HGSNAT: variants seen among roughly 807,000 people sequenced by gnomAD.
The protein encoded by HGSNAT is heparan-alpha-glucosaminide N-acetyltransferase.
In HGSNAT, 59 loss-of-function variants were observed where a neutral mutation model predicts 85.2. The observed-to-expected ratio is 0.69, with a 90% confidence interval of 0.56 to 0.86. HGSNAT has a LOEUF of 0.86. HGSNAT is among the 40% of genes least tolerant of loss of function. The probability of loss-of-function intolerance (pLI) is 0.00; values close to 1 mark genes in which losing one functional copy is unlikely to be tolerated. For synonymous variants in HGSNAT, 321 were observed against 304.5 expected (o/e 1.05, Z -0.56); for missense variants, 756 against 777.1 (o/e 0.97, Z 0.32).
intron 17 of HGSNAT, among the ~76,000 whole-genome samples, chr8:43,198,280 C>CTTTTTTTTT (rs59416007): frequency 1.1e-5 from 1 of 90,330 alleles, no homozygotes. Context: ...GTTTCTGGTT[C>CTTTTTTTTT]TTTTTTTTTT....
At chr8:43,197,607 T>C in intron 15 of HGSNAT, 65 bp from the exon 16 acceptor site, 1 of 1,222,120 alleles carries the variant, frequency 8.2e-7, no homozygotes, top group Non-Finnish European at 1.2e-6. Context: ...TATATTGGTG[T>C]TGAAACCAAG....
chr8:43,140,695 C>T (rs1802491288), intron 1 of HGSNAT, 81 bp downstream of exon 1: 2 of 659,030 alleles, frequency 3.0e-6, no homozygotes, highest in South Asian at 1.0e-4. Flanking sequence ...TATCTCCGTG[C>T]GCGGCGCCGA....
chr8:43,185,007 A>G (rs1378474676), intron 11 of HGSNAT, among the ~76,000 whole-genome samples: 1 of 152,030 alleles, frequency 6.6e-6, no homozygotes, highest in Non-Finnish European at 1.5e-5. Flanking sequence ...TCTCTGTTTT[A>G]CTACCAGTAC....
intron 5 of HGSNAT, among the ~76,000 whole-genome samples, chr8:43,167,750 G>GA (rs1432318240): frequency 6.6e-6 from 1 of 151,952 alleles, no homozygotes; most frequent in East Asian, 1.9e-4. Context: ...AATAAAAGGG[G>GA]AAAAAATCCT....
At chr8:43,199,341 G>T in intron 17 of HGSNAT, 47 bp from the exon 18 acceptor site, 2 of 1,321,810 alleles carry the variant, frequency 1.5e-6, no homozygotes, top group South Asian at 2.6e-5. Context: ...GGTTAGATGT[G>T]ACTCATCTGT....
intron 10 of HGSNAT, among the ~76,000 whole-genome samples, chr8:43,180,915 A>C (rs1159626957): frequency 2.0e-5 from 2 of 98,658 alleles, no homozygotes; most frequent in East Asian, 3.2e-4. Flanking sequence ...ACACAGCGAA[A>C]CCCCGTCTCC....
intron 1 of HGSNAT, among the ~76,000 whole-genome samples, 189 bp from the exon 2 acceptor site, chr8:43,146,759 A>ACATG (rs975600680): frequency 2.6e-5 from 4 of 152,062 alleles, no homozygotes; most frequent in African/African-American, 7.3e-5. Flanking sequence ...GTGTGTGTGC[A>ACATG]CATGCATGCA....
At chr8:43,157,423 A>G (rs183568412) in intron 2 of HGSNAT, among the ~76,000 whole-genome samples, 2 of 152,236 alleles carry the variant, frequency 1.3e-5, no homozygotes, top group East Asian at 1.9e-4. Context: ...TAAAATGACT[A>G]TTTTTTTAAT....
intron 2 of HGSNAT, among the ~76,000 whole-genome samples, chr8:43,155,982 A>G (rs549237954): frequency 1.8e-4 from 27 of 152,192 alleles, no homozygotes; most frequent in African/African-American, 6.0e-4. Flanking sequence ...CTGGGATTAT[A>G]GACACCCACT....
At chr8:43,185,090 T>G (rs1167159768) in intron 11 of HGSNAT, among the ~76,000 whole-genome samples, 2 of 152,240 alleles carry the variant, frequency 1.3e-5, no homozygotes, top group Non-Finnish European at 1.5e-5. Flanking sequence ...AGCTTTGTTC[T>G]TGTGGCTTAG....
chr8:43,164,206 G>A (rs1281143311), intron 5 of HGSNAT, among the ~76,000 whole-genome samples: 2 of 152,214 alleles, frequency 1.3e-5, no homozygotes, highest in Non-Finnish European at 2.9e-5. Flanking sequence ...CAGTGGGTGA[G>A]AGGACATATG....
chr8:43,182,117 C>A, intron 10 of HGSNAT, 28 bp from the exon 11 acceptor site: 1 of 1,559,516 alleles, frequency 6.4e-7, no homozygotes, highest in Non-Finnish European at 8.8e-7. Flanking sequence ...TCCTGGCTAA[C>A]ACTTGACCTA....
chr8:43,155,112 G>A (rs1204163960), intron 2 of HGSNAT, among the ~76,000 whole-genome samples: 1 of 152,048 alleles, frequency 6.6e-6, no homozygotes, highest in Non-Finnish European at 1.5e-5. Context: ...TGGGATTGTT[G>A]GATCATGTGG....
At chr8:43,197,405 C>G (rs1046408211) in intron 15 of HGSNAT, 7 of 546,372 alleles carry the variant, frequency 1.3e-5, no homozygotes, top group Non-Finnish European at 2.3e-5. Flanking sequence ...TCATCCTGAC[C>G]GCAGCCATGC....
chr8:43,191,325 T>G (rs1685457830), intron 11 of HGSNAT, 149 bp from the exon 12 acceptor site: 2 of 844,774 alleles, frequency 2.4e-6, no homozygotes, highest in Admixed American at 4.5e-5. Context: ...AGAGGGAACA[T>G]CTGGAGAACC....
chr8:43,182,433 T>A, intron 11 of HGSNAT, 173 bp downstream of exon 11: 1 of 666,154 alleles, frequency 1.5e-6, no homozygotes, highest in African/African-American at 1.9e-5. Context: ...CCACCATGCC[T>A]GGCCAGAAAC....
chr8:43,186,361 C>T (rs1804310109), intron 11 of HGSNAT, among the ~76,000 whole-genome samples: 1 of 152,086 alleles, frequency 6.6e-6, no homozygotes, highest in Admixed American at 6.6e-5. Flanking sequence ...CTGGTTTAGT[C>T]TTGGGAGGGT....
chr8:43,152,330 T>A (rs1285386569), intron 2 of HGSNAT, among the ~76,000 whole-genome samples: 1 of 152,038 alleles, frequency 6.6e-6, no homozygotes, highest in Non-Finnish European at 1.5e-5. Flanking sequence ...TCAGTAGGGA[T>A]CTCAAGGTTT....
At chr8:43,164,262 G>A (rs1803359800) in intron 5 of HGSNAT, among the ~76,000 whole-genome samples, 1 of 152,210 alleles carries the variant, frequency 6.6e-6, no homozygotes, top group African/African-American at 2.4e-5. Flanking sequence ...CTGGATGATG[G>A]AGGTCCATTA....
Sources: gnomAD v4.1 joint callset for allele counts (sites outside exome capture counted in the v4.1 genomes callset) on GRCh38, gnomAD v4.1.1 for gene constraint, MANE v1.5 for transcripts, NCBI Gene and HGNC (gene_info 2026-07-23, HGNC 2026-07-21) for gene names.